The following CD5 variants were observed in gnomAD, a reference collection of about 807,000 sequenced individuals.
CD5 encodes the protein T-cell surface glycoprotein CD5.
CD5 carries 36 observed loss-of-function variants against 60.3 expected under a neutral mutation model. The ratio of observed to expected loss-of-function variants is 0.60; its 90% CI spans 0.46 to 0.79. CD5 has a LOEUF of 0.79. Among genes scored for constraint, CD5 ranks in the 30% least tolerant of loss-of-function variants. CD5 has a pLI of 0.00. For synonymous variants in CD5, 230 were observed against 257.6 expected, an observed-to-expected ratio of 0.89 and a Z score of 1.03; for missense variants, 540 against 630.6, an observed-to-expected ratio of 0.86 and a Z score of 1.54.
chr11:61,094,938 C>T, the CD5 span, among the ~76,000 whole-genome samples: 59 of 152,238 alleles, frequency 3.9e-4, no homozygotes, highest in East Asian at 3.7e-3. Flanking sequence ...GCACCCAGAT[C>T]AGTTCTCACA....
intron 1 of CD5, among the ~76,000 whole-genome samples, chr11:61,106,166 T>C (rs796296640): frequency 4.1e-5 from 6 of 147,232 alleles, no homozygotes; most frequent in African/African-American, 1.5e-4. Flanking sequence ...TATTTACACA[T>C]TTTGAAATAC....
At chr11:61,096,366 C>T in the CD5 span, among the ~76,000 whole-genome samples, 1 of 152,218 alleles carries the variant, frequency 6.6e-6, no homozygotes, top group African/African-American at 2.4e-5. Flanking sequence ...CCCCAAGGAG[C>T]CCAAGGTCAG....
At chr11:61,099,511 ACAT>A (rs1332855206), upstream of CD5, among the ~76,000 whole-genome samples, 6 of 149,228 alleles carry the variant, frequency 4.0e-5, no homozygotes, top group African/African-American at 1.5e-4. Flanking sequence ...TCACACACAC[ACAT>A]CAACATGGAG....
chr11:61,098,277 G>A (rs1860608542), upstream of CD5, among the ~76,000 whole-genome samples: 1 of 152,182 alleles, frequency 6.6e-6, no homozygotes. Context: ...TCACCAAAAT[G>A]CTTCAGCCCA....
At chr11:61,115,192 C>A in intron 2 of CD5, 98 bp downstream of exon 2, 1 of 1,137,198 alleles carries the variant, frequency 8.8e-7, no homozygotes, top group African/African-American at 1.5e-5. Flanking sequence ...GCCATCACTT[C>A]TGCCAGAGTG....
At position 61,119,316 on chromosome 11, in the gene CD5, G is replaced by A; in HGVS notation, c.546G>A (p.Gly182=). The A allele has an allele frequency of 6.2e-7, 1 of 1,614,002 alleles. No individual in the cohort carries two copies. Among genetic ancestry groups the A allele is most frequent in the Non-Finnish European group, 8.5e-7 (1 of 1,180,020 alleles). The change falls in exon 5 of 11, where the codon GGG becomes GGA. Residue 182 remains glycine (G), a synonymous_variant. Transcript: ENST00000347785. ...TGGAGTTCTACAGCGGCAGCCTGGG[G>A]GGTACCATCAGCTATGAGGCCCAGG... ...GVVEFYSGSL[G]GTISYEAQDK...
At chr11:61,100,148 A>ACT (rs1860644398), upstream of CD5, among the ~76,000 whole-genome samples, 1 of 139,032 alleles carries the variant, frequency 7.2e-6, no homozygotes, top group African/African-American at 2.7e-5. Flanking sequence ...CATGGAGATC[A>ACT]CACACACACA....
the CD5 span, among the ~76,000 whole-genome samples, chr11:61,096,127 C>T: frequency 2.6e-5 from 4 of 152,330 alleles, no homozygotes; most frequent in South Asian, 4.1e-4. Flanking sequence ...GGAATTCCCC[C>T]GAAAGGAGAG....
chr11:61,103,912 T>TG (rs1400558546), intron 1 of CD5, among the ~76,000 whole-genome samples: 3 of 38,812 alleles, frequency 7.7e-5, no homozygotes, highest in Admixed American at 3.4e-4. Context: ...GTACTGTGTG[T>TG]GGGGGGGGAA....
upstream of CD5, among the ~76,000 whole-genome samples, chr11:61,099,432 A>ACACACATCAACATGGAGAT (rs1860626479): frequency 6.9e-5 from 6 of 87,574 alleles, no homozygotes; most frequent in South Asian, 1.5e-3. Context: ...CATGGAGATC[A>ACACACATCAACATGGAGAT]CACACACACA....
At chr11:61,111,139 C>T (rs186841607) in intron 1 of CD5, among the ~76,000 whole-genome samples, 110 of 152,252 alleles carry the variant, frequency 7.2e-4, no homozygotes, top group Middle Eastern at 6.8e-3. Flanking sequence ...TGGAATCTGC[C>T]AAGATTGTCA....
intron 8 of CD5, 53 bp from the exon 9 acceptor site, chr11:61,124,979 G>C: frequency 1.2e-6 from 2 of 1,610,592 alleles, no homozygotes; most frequent in Non-Finnish European, 1.7e-6. Flanking sequence ...TGCTGGGGAA[G>C]GAGACGGAGG....
chr11:61,103,214 C>T (rs892692080), intron 1 of CD5, among the ~76,000 whole-genome samples: 4 of 152,212 alleles, frequency 2.6e-5, no homozygotes, highest in African/African-American at 4.8e-5. Context: ...GATGAGTACA[C>T]GCTGGGCCTG....
upstream of CD5, among the ~76,000 whole-genome samples, chr11:61,100,442 C>CG (rs1860652883): frequency 2.0e-5 from 3 of 148,656 alleles, no homozygotes; most frequent in African/African-American, 7.5e-5. Context: ...ATCACACACA[C>CG]ACAACATGGA....
At chr11:61,113,366 A>G (rs1285485724) in intron 1 of CD5, among the ~76,000 whole-genome samples, 1 of 152,210 alleles carries the variant, frequency 6.6e-6, no homozygotes, top group African/African-American at 2.4e-5. Context: ...GAGCCCCGCA[A>G]TGGGCAACTT....
intron 2 of CD5, among the ~76,000 whole-genome samples, chr11:61,116,699 CCACA>C (rs371585024): frequency 3.5e-5 from 2 of 56,412 alleles, no homozygotes; most frequent in African/African-American, 5.4e-5. Context: ...CACATACACA[CCACA>C]CACACCACAT....
At chr11:61,103,915 G>A (rs1051286455) in intron 1 of CD5, among the ~76,000 whole-genome samples, 4 of 87,756 alleles carry the variant, frequency 4.6e-5, no homozygotes, top group Non-Finnish European at 6.5e-5. Context: ...CTGTGTGTGG[G>A]GGGGGAATGT....
chr11:61,095,313 C>T, the CD5 span, among the ~76,000 whole-genome samples: 4 of 152,146 alleles, frequency 2.6e-5, no homozygotes, highest in African/African-American at 9.7e-5. Context: ...CCAAATGCCC[C>T]TGAGAGAGCA....
chr11:61,122,168 C>T (rs71460589), intron 6 of CD5, among the ~76,000 whole-genome samples: 4,095 of 152,300 alleles, frequency 0.027, 81 homozygotes, highest in Non-Finnish European at 0.042. Flanking sequence ...TCTCCTTCTA[C>T]CTTCTACTTT....
Sources: allele counts gnomAD v4.1 joint callset (sites outside exome capture counted in the v4.1 genomes callset), GRCh38; gene constraint gnomAD v4.1.1; transcripts MANE v1.5; gene names NCBI Gene and HGNC (gene_info 2026-07-23, HGNC 2026-07-21).